The following METTL22 variants were observed in gnomAD, a reference collection of about 807,000 sequenced individuals.
The protein encoded by METTL22 is methyltransferase 22, Kin17 lysine.
Under a neutral mutation model 48.4 loss-of-function variants are expected in METTL22, and 51 were observed. The observed-to-expected ratio is 1.05, with a 90% CI of 0.84 to 1.33. The LOEUF (loss-of-function observed/expected upper bound fraction) is 1.33, where lower values mean the gene tolerates loss of function less well. Among genes scored for constraint, METTL22 ranks in the 40% most tolerant of loss-of-function variants. The probability of loss-of-function intolerance (pLI) is 0.00; values close to 1 mark genes in which losing one functional copy is unlikely to be tolerated. For missense variants in METTL22, 678 were observed against 526.9 expected, an observed-to-expected ratio of 1.29 and a Z score of -2.81; for synonymous variants, 255 against 214.1, an observed-to-expected ratio of 1.19 and a Z score of -1.67.
At chr16:8,654,995 G>A in the METTL22 span, among the ~76,000 whole-genome samples, 2 of 152,092 alleles carry the variant, frequency 1.3e-5, no homozygotes, top group Admixed American at 1.3e-4. Flanking sequence ...TGTGGGAAGG[G>A]AAAAAAGGGA....
At chr16:8,634,994 C>T in intron 3 of METTL22, 45 bp from the exon 4 acceptor site, 1 of 1,611,778 alleles carries the variant, frequency 6.2e-7, no homozygotes, top group Non-Finnish European at 8.5e-7. Flanking sequence ...TTCTGTCCAT[C>T]CCCATTTCAC....
intron 6 of METTL22, among the ~76,000 whole-genome samples, chr16:8,640,930 A>C (rs79799465): frequency 1.6e-4 from 11 of 69,852 alleles, no homozygotes; most frequent in Admixed American, 6.4e-4. Context: ...GGATGGATGG[A>C]TGGATGGATG....
chr16:8,646,440 G>A lies in METTL22; in HGVS notation c.*297G>A, dbSNP rs563839213. ...TCTCAGCTCAGTTCCACCCACGTCA[G>A]TCATTTCAGCTGTGTGCTTTACTTG... On this transcript the variant is annotated 3_prime_UTR_variant, in exon 11 of 11. Transcript: ENST00000381920. The A allele has an allele frequency of 6.2e-6, 4 of 641,562 alleles. No individual in the cohort carries two copies. Among genetic ancestry groups the A allele is most frequent in the Non-Finnish European group, 1.2e-5 (4 of 346,496 alleles). The allele number at this position is 641,562 out of a possible 1,614,324, so 39.7% of individuals were successfully genotyped here.
the METTL22 span, among the ~76,000 whole-genome samples, chr16:8,661,227 T>A: frequency 1.1e-5 from 1 of 91,770 alleles, no homozygotes; most frequent in African/African-American, 2.8e-5. Flanking sequence ...AACGTGTGGG[T>A]CTACAGTGAC....
At chr16:8,636,544 CTT>C (rs2056430245) in intron 5 of METTL22, among the ~76,000 whole-genome samples, 1 of 124,466 alleles carries the variant, frequency 8.0e-6, no homozygotes, top group African/African-American at 3.0e-5. Flanking sequence ...AAAAAACAAA[CTT>C]TATATATGAC....
At position 8,641,286 on chromosome 16, in the gene METTL22, T is replaced by C. The variant is rs1461091799; in HGVS notation, c.826+102T>C. 2.6e-6 allele frequency: 3 copies of C among 1,166,848 alleles called. No homozygotes were observed. The African/African-American group carries it at 4.5e-5, about 18-fold the overall frequency. The allele number at this position is 1,166,848 out of a possible 1,614,324, so 72.3% of individuals were successfully genotyped here. A position where few individuals can be genotyped will look rare whatever the true frequency, so the allele number is the denominator to read the frequency against. ...GTTTTGACAGAGCTGTAGTCCCAGCTGCTGCCACAGTCCCATCGGCGCATG... is the reference window on the plus strand; with the variant it reads ...GTTTTGACAGAGCTGTAGTCCCAGCCGCTGCCACAGTCCCATCGGCGCATG... On this transcript the variant is annotated intron_variant, in intron 7 of 10. Transcript: ENST00000381920.
chr16:8,663,394 T>C, the METTL22 span, among the ~76,000 whole-genome samples: 15 of 152,122 alleles, frequency 9.9e-5, no homozygotes, highest in Non-Finnish European at 1.9e-4. Flanking sequence ...TAAGTGTTAC[T>C]TGACTGACAG....
chr16:8,646,885 G>GT lies in METTL22; in HGVS notation c.*748dup. 2.8e-6 allele frequency: 1 copy of GT among 353,988 alleles called. No individual in the cohort carries two copies. Among genetic ancestry groups the GT allele is most frequent in the East Asian group, 7.4e-5 (1 of 13,528 alleles). 21.9% of individuals were successfully genotyped at this position (353,988 alleles called of 1,614,324 possible). ...ACGTGTGTACATGTCTGTCTGTCTG[G>GT]TTTTTTATCTTCTCCATCTGTGCCT... On this transcript the variant is annotated 3_prime_UTR_variant, in exon 11 of 11. Transcript: ENST00000381920.
the METTL22 span, among the ~76,000 whole-genome samples, chr16:8,666,457 A>G: frequency 0.084 from 12,754 of 152,272 alleles, 663 homozygotes; most frequent in Middle Eastern, 0.13. Context: ...GGAGAACCCA[A>G]ACTACAAGAG....
At chr16:8,642,648 C>T in intron 9 of METTL22, 83 bp downstream of exon 9, 1 of 1,269,540 alleles carries the variant, frequency 7.9e-7, no homozygotes, top group Non-Finnish European at 1.2e-6. Context: ...TTGTCAGTGT[C>T]ATTATGATTG....
At position 8,646,935 on chromosome 16, in the gene METTL22, C is replaced by T; in HGVS notation, c.*792C>T. On this transcript the variant is annotated 3_prime_UTR_variant, in exon 11 of 11. Transcript: ENST00000381920. Reference sequence around the variant, plus strand: ...TCTCTCCTCCCATCTCCACCCCTTCCTGTCATCCTCTATGTCCCACTGTCT... The same window carrying T: ...TCTCTCCTCCCATCTCCACCCCTTCTTGTCATCCTCTATGTCCCACTGTCT... 2.9e-6 allele frequency: 1 copy of T among 350,726 alleles called. No homozygotes were observed. Among genetic ancestry groups the T allele is most frequent in the Non-Finnish European group, 5.6e-6 (1 of 178,128 alleles). 21.7% of individuals were successfully genotyped at this position (350,726 alleles called of 1,614,324 possible).
At chr16:8,638,966 A>G (rs1283926818) in intron 5 of METTL22, 125 bp from the exon 6 acceptor site, 5 of 909,458 alleles carry the variant, frequency 5.5e-6, no homozygotes, top group Non-Finnish European at 8.9e-6. Context: ...AGTAAGACAC[A>G]TAGGAGAAAC....
rs530649375 is a variant in METTL22, at chr16:8,639,231, G to C, written c.772+69G>C. ...TTTAGCAGATAGGACAGACACCCAA[G>C]ACCATGACATTGGGAGGCAGGGCTC... On this transcript the variant is annotated intron_variant, in intron 6 of 10. Coordinates refer to ENST00000381920, the MANE Select transcript of METTL22 (RefSeq NM_024109.4). 1.2e-5 allele frequency: 18 copies of C among 1,481,860 alleles called. No homozygotes were observed. The African/African-American group carries it at 2.5e-4, about 20-fold the overall frequency. 91.8% of individuals were successfully genotyped at this position (1,481,860 alleles called of 1,614,324 possible).
At chr16:8,623,806 A>G (rs1162755843) in intron 1 of METTL22, 1 of 152,174 alleles carries the variant, frequency 6.6e-6, no homozygotes, top group Non-Finnish European at 1.5e-5. Flanking sequence ...CCAGCAGTGT[A>G]CTGGGATCAT....
the METTL22 span, among the ~76,000 whole-genome samples, chr16:8,665,147 AG>A: frequency 0.72 from 104,575 of 145,784 alleles, 37,105 homozygotes; most frequent in East Asian, 0.85. Context: ...ATACAAAAAA[AG>A]TAATAATAAT....
rs2056625393 is a variant in METTL22 at position 8,641,742 on chromosome 16, C to T, written c.827-385C>T. 3 of 400,930 alleles carry T rather than the reference C, an allele frequency of 7.5e-6. No individual in the cohort carries two copies. The Admixed American group carries it at 1.1e-4, about 14-fold the overall frequency. The allele number at this position is 400,930 out of a possible 1,614,324, so 24.8% of individuals were successfully genotyped here. ...GCGCACCGTAGGCCCTTCGGCCCTC[C>T]CAATAGTCCTGTGAGGAAGTAGTAC... is the stretch of plus-strand genomic sequence containing the variant. On this transcript the variant is annotated intron_variant, in intron 7 of 10. Transcript: ENST00000381920.
At chr16:8,635,810 G>A (rs1296865510) in intron 5 of METTL22, among the ~76,000 whole-genome samples, 4 of 152,162 alleles carry the variant, frequency 2.6e-5, no homozygotes, top group African/African-American at 9.7e-5. Flanking sequence ...CTCATTTCTA[G>A]ATGTAGGAGG....
Position 8,643,759 on chromosome 16 carries a change from A to G in METTL22, c.1011-798A>G, listed in dbSNP as rs1053976242. On this transcript the variant is annotated intron_variant, in intron 9 of 10. Coordinates refer to ENST00000381920, the MANE Select transcript of METTL22 (RefSeq NM_024109.4). ...CTCCCAAGTAGCTGGGATTACAGGC[A>G]TGCGTCACCACACCTGGCTAATTTT... Among the ~76,000 whole-genome samples the G allele has an allele frequency of 8.5e-5, 13 of 152,196 alleles. No homozygotes were observed. In the East Asian group the frequency reaches 2.5e-3, roughly 29 times the overall value.
chr16:8,634,697 A>G (rs906661471), intron 3 of METTL22, among the ~76,000 whole-genome samples: 35 of 152,306 alleles, frequency 2.3e-4, no homozygotes, highest in Admixed American at 2.2e-3. Flanking sequence ...TAACTTTGCA[A>G]TTATTGGTCA....
Sources: gnomAD v4.1 joint callset for allele counts (sites outside exome capture counted in the v4.1 genomes callset) on GRCh38, gnomAD v4.1.1 for gene constraint, MANE v1.5 for transcripts, NCBI Gene and HGNC (gene_info 2026-07-23, HGNC 2026-07-21) for gene names.